The following RBFOX1 variants were observed in gnomAD, a reference collection of about 807,000 sequenced individuals.
RBFOX1 encodes the protein RNA binding fox-1 homolog 1.
Under a neutral mutation model 57.7 loss-of-function variants are expected in RBFOX1, and 8 were observed. The ratio of observed to expected loss-of-function variants is 0.14; its 90% CI spans 0.08 to 0.25. The LOEUF (loss-of-function observed/expected upper bound fraction) is 0.25, where lower values mean the gene tolerates loss of function less well. RBFOX1 is among the 10% of genes least tolerant of loss of function. The probability of loss-of-function intolerance (pLI) is 1.00; values close to 1 mark genes in which losing one functional copy is unlikely to be tolerated. For missense variants in RBFOX1, 611 were observed against 548.5 expected, an observed-to-expected ratio of 1.11 and a Z score of -1.14; for synonymous variants, 326 against 222.4, an observed-to-expected ratio of 1.47 and a Z score of -4.15.
intron 4 of RBFOX1, among the ~76,000 whole-genome samples, chr16:7,384,628 C>G (rs1037710921): frequency 1.3e-5 from 2 of 152,066 alleles, no homozygotes; most frequent in African/African-American, 2.4e-5. Flanking sequence ...GCTTTGCAGG[C>G]CATGCCAACT....
chr16:6,676,168 A>G (rs1040893746), intron 3 of RBFOX1, among the ~76,000 whole-genome samples: 4 of 151,706 alleles, frequency 2.6e-5, no homozygotes, highest in African/African-American at 9.7e-5. Flanking sequence ...ACACACACAC[A>G]CACACACACA....
intron 3 of RBFOX1, among the ~76,000 whole-genome samples, chr16:6,871,552 A>G (rs138689274): frequency 7.6e-4 from 115 of 152,058 alleles, no homozygotes; most frequent in African/African-American, 2.7e-3. Context: ...CCAGTGGTTT[A>G]TCCCCTCTTA....
chr16:6,121,883 T>C (rs2152637257), intron 1 of RBFOX1, among the ~76,000 whole-genome samples: 1 of 152,300 alleles, frequency 6.6e-6, no homozygotes, highest in African/African-American at 2.4e-5. Flanking sequence ...ACAGAGTTAG[T>C]AGTCAATGAC....
chr16:7,495,759 C>G (rs535499490), intron 4 of RBFOX1, among the ~76,000 whole-genome samples: 48 of 152,330 alleles, frequency 3.2e-4, no homozygotes, highest in African/African-American at 1.1e-3. Flanking sequence ...ACAGTACACA[C>G]TGCTTGGGTA....
chr16:7,261,134 C>G (rs2094903518), intron 4 of RBFOX1, among the ~76,000 whole-genome samples: 3 of 150,502 alleles, frequency 2.0e-5, no homozygotes, highest in South Asian at 4.1e-4. Flanking sequence ...GGACACATAT[C>G]CAAAGAGCCA....
At chr16:7,578,262 A>G (rs191384725) in intron 5 of RBFOX1, among the ~76,000 whole-genome samples, 1,997 of 152,352 alleles carry the variant, frequency 0.013, 21 homozygotes, top group Non-Finnish European at 0.019. Flanking sequence ...ACCAGTTAAG[A>G]AAATGACCAC....
At chr16:6,662,132 C>CGGGGGGG (rs1422891543) in intron 3 of RBFOX1, among the ~76,000 whole-genome samples, 4 of 42,344 alleles carry the variant, frequency 9.4e-5, no homozygotes, top group African/African-American at 1.9e-4. Flanking sequence ...GGGCTGGGGG[C>CGGGGGGG]GGGGTGAAAA....
chr16:5,619,811 C>G (rs184386693), intron 3 of RBFOX1, among the ~76,000 whole-genome samples: 1 of 152,218 alleles, frequency 6.6e-6, no homozygotes, highest in East Asian at 1.9e-4. Flanking sequence ...CACTGAGTTT[C>G]CGTGAAGGCA....
At chr16:7,217,256 C>T (rs2152825157) in intron 4 of RBFOX1, among the ~76,000 whole-genome samples, 1 of 149,546 alleles carries the variant, frequency 6.7e-6, no homozygotes, top group East Asian at 2.0e-4. Flanking sequence ...TGCGTTCCAC[C>T]ACAGCTGGCT....
chr16:6,288,909 C>A (rs1399557392), intron 1 of RBFOX1, among the ~76,000 whole-genome samples: 1 of 152,068 alleles, frequency 6.6e-6, no homozygotes, highest in Admixed American at 6.6e-5. Context: ...CATTAGTTCT[C>A]AAGGCAATGC....
At chr16:7,707,887 T>A (rs886952103) in intron 14 of RBFOX1, among the ~76,000 whole-genome samples, 1 of 152,198 alleles carries the variant, frequency 6.6e-6, no homozygotes, top group Non-Finnish European at 1.5e-5. Flanking sequence ...GTAAGTCACT[T>A]GCACAGGAAT....
At chr16:5,544,832 A>G (rs531469380) in intron 2 of RBFOX1, among the ~76,000 whole-genome samples, 1 of 152,296 alleles carries the variant, frequency 6.6e-6, no homozygotes, top group East Asian at 1.9e-4. Flanking sequence ...AAACTGCTAA[A>G]GCTAATTTAA....
intron 2 of RBFOX1, 134 bp from the exon 3 acceptor site, chr16:6,654,469 C>T (rs2098631366): frequency 8.8e-6 from 6 of 678,588 alleles, no homozygotes; most frequent in South Asian, 4.2e-5. Flanking sequence ...AGCAATGACT[C>T]GAGAAAGAAC....
At chr16:5,467,754 A>C (rs181796687) in intron 2 of RBFOX1, among the ~76,000 whole-genome samples, 9 of 152,362 alleles carry the variant, frequency 5.9e-5, no homozygotes, top group African/African-American at 2.2e-4. Context: ...TAAGGAACTA[A>C]TGTAATTTCT....
chr16:7,629,824 C>T (rs531201644), intron 10 of RBFOX1, among the ~76,000 whole-genome samples: 13 of 152,300 alleles, frequency 8.5e-5, no homozygotes, highest in Middle Eastern at 3.4e-3. Context: ...GCAATGCAGC[C>T]GCAGTTTGCA....
chr16:5,485,406 C>T (rs1207856620), intron 2 of RBFOX1, among the ~76,000 whole-genome samples: 1 of 147,140 alleles, frequency 6.8e-6, no homozygotes, highest in African/African-American at 2.5e-5. Context: ...GAATAGGACT[C>T]TCCAAGTGCA....
intron 5 of RBFOX1, among the ~76,000 whole-genome samples, 172 bp from the exon 6 acceptor site, chr16:7,579,605 C>T (rs529162336): frequency 4.3e-4 from 65 of 152,116 alleles, no homozygotes; most frequent in African/African-American, 1.2e-3. Context: ...ACCCAGTGGA[C>T]GCTCAGAAAA....
chr16:6,050,745 A>C (rs928841435), intron 1 of RBFOX1, among the ~76,000 whole-genome samples: 2 of 151,978 alleles, frequency 1.3e-5, no homozygotes, highest in Non-Finnish European at 2.9e-5. Flanking sequence ...GTCAGGGGGT[A>C]TAGTTTATAC....
At chr16:6,133,933 CTTTCT>C (rs2096647672) in intron 1 of RBFOX1, among the ~76,000 whole-genome samples, 1 of 151,714 alleles carries the variant, frequency 6.6e-6, no homozygotes, top group Non-Finnish European at 1.5e-5. Context: ...TTTGTAATTT[CTTTCT>C]TTTCTTTTTT....
Sources: gnomAD v4.1 joint callset for allele counts (sites outside exome capture counted in the v4.1 genomes callset) on GRCh38, gnomAD v4.1.1 for gene constraint, MANE v1.5 for transcripts, NCBI Gene and HGNC (gene_info 2026-07-23, HGNC 2026-07-21) for gene names.